Variants in VRK1 observed in about 807,000 individuals in gnomAD.
VRK1 encodes the protein serine/threonine-protein kinase VRK1.
In VRK1, 33 loss-of-function variants were observed where a neutral mutation model predicts 57.1. That is an observed-to-expected ratio of 0.58 (90% CI 0.44 to 0.77). The LOEUF (loss-of-function observed/expected upper bound fraction) is 0.77. Among genes scored for constraint, VRK1 ranks in the 30% least tolerant of loss-of-function variants. VRK1 has a pLI of 0.00. For synonymous variants in VRK1, 137 were observed against 147.8 expected (o/e 0.93, Z 0.53); for missense variants, 413 against 477.3 (o/e 0.87, Z 1.25).
intron 1 of VRK1, among the ~76,000 whole-genome samples, chr14:96,812,963 G>A (rs937382364): frequency 2.6e-5 from 4 of 152,172 alleles, no homozygotes; most frequent in Admixed American, 2.0e-4. Flanking sequence ...AAAAGACCTG[G>A]AGAAGTTGGG....
intron 1 of VRK1, among the ~76,000 whole-genome samples, chr14:96,800,840 A>G (rs1426575090): frequency 6.6e-6 from 1 of 152,078 alleles, no homozygotes; most frequent in Non-Finnish European, 1.5e-5. Context: ...GGGAAGATAT[A>G]CTAGATGAAG....
At chr14:96,807,240 A>G (rs981147992) in intron 1 of VRK1, among the ~76,000 whole-genome samples, 17 of 152,216 alleles carry the variant, frequency 1.1e-4, no homozygotes, top group African/African-American at 4.1e-4. Flanking sequence ...TCTTTCTTAC[A>G]TTGAGTGGAA....
At chr14:96,845,061 C>T (rs945712663) in intron 3 of VRK1, among the ~76,000 whole-genome samples, 1 of 152,118 alleles carries the variant, frequency 6.6e-6, no homozygotes, top group Non-Finnish European at 1.5e-5. Flanking sequence ...TACTCACTTC[C>T]CCCAATGCTC....
At chr14:96,808,183 G>T (rs1467374448) in intron 1 of VRK1, among the ~76,000 whole-genome samples, 1 of 152,054 alleles carries the variant, frequency 6.6e-6, no homozygotes, top group Non-Finnish European at 1.5e-5. Context: ...AAAATAATAG[G>T]AGTATCTTGT....
At chr14:96,825,925 T>C (rs1166327804) in intron 1 of VRK1, among the ~76,000 whole-genome samples, 1 of 152,224 alleles carries the variant, frequency 6.6e-6, no homozygotes, top group Non-Finnish European at 1.5e-5. Context: ...TCATTCAGTA[T>C]ATAACGAGCT....
At chr14:96,834,701 C>T (rs1887147037) in intron 2 of VRK1, among the ~76,000 whole-genome samples, 1 of 152,160 alleles carries the variant, frequency 6.6e-6, no homozygotes, top group Non-Finnish European at 1.5e-5. Flanking sequence ...TGGCCAGTGG[C>T]ACCCTTTTTG....
At chr14:96,862,020 A>G (rs1415118341) in intron 11 of VRK1, among the ~76,000 whole-genome samples, 1 of 152,222 alleles carries the variant, frequency 6.6e-6, no homozygotes, top group African/African-American at 2.4e-5. Context: ...TTGGTGATTG[A>G]GAAGTAAAGA....
chr14:96,870,179 G>A (rs1888762060), intron 11 of VRK1, among the ~76,000 whole-genome samples: 1 of 152,088 alleles, frequency 6.6e-6, no homozygotes, highest in East Asian at 1.9e-4. Flanking sequence ...TATAACTTTT[G>A]CAGCATGCCT....
chr14:96,878,528 A>G (rs1889127602), intron 12 of VRK1, among the ~76,000 whole-genome samples: 1 of 152,222 alleles, frequency 6.6e-6, no homozygotes, highest in Non-Finnish European at 1.5e-5. Context: ...GTGCCTAGCA[A>G]AATGGGAGCA....
In VRK1 at chr14:96,852,987, A is replaced by G. The variant is rs940825152; in HGVS notation, c.483+48A>G. ...GTTTTTAAAAAATTGTTTTGAGTAC[A>G]GTAAAGGCTAGTTTATGTTGAAGCT... On this transcript the variant is annotated intron_variant, in intron 6 of 12. Coordinates refer to ENST00000216639, the MANE Select transcript of VRK1 (RefSeq NM_003384.3). 1.9e-6 allele frequency: 3 copies of G among 1,605,394 alleles called. No individual in the cohort carries two copies. In the African/African-American group the frequency reaches 4.0e-5, roughly 22 times the overall value.
rs771646609 is a variant in VRK1, at chr14:96,833,480, T to G, written c.9T>G (p.Arg3=). Residue 3 remains arginine (R), a synonymous_variant, in exon 2 of 13, where the codon CGT becomes CGG. Coordinates refer to ENST00000216639, the MANE Select transcript of VRK1 (RefSeq NM_003384.3). MP[R]VKAAQAGRQS... ...TTTATGTTATAGTGAAAATGCCTCG[T>G]GTAAAAGCAGCTCAAGCTGGAAGAC... The G allele has an allele frequency of 6.2e-7, 1 of 1,613,536 alleles. No individual in the cohort carries two copies. The highest frequency in any genetic ancestry group is 2.2e-5 in the East Asian group (1 of 44,852).
rs368108819 is a variant in VRK1 at position 96,852,956 on chromosome 14, C to G, written c.483+17C>G. On this transcript the variant is annotated intron_variant, in intron 6 of 12. Coordinates refer to ENST00000216639, the MANE Select transcript of VRK1 (RefSeq NM_003384.3). ...TTAAGAATTGTATGTGAGCTATGTT[C>G]TTCTTGTTTTTAAAAAATTGTTTTG... is the stretch of plus-strand genomic sequence containing the variant. 3.1e-6 allele frequency: 5 copies of G among 1,610,608 alleles called. No individual in the cohort carries two copies. In the African/African-American group the frequency reaches 4.0e-5, roughly 13 times the overall value.
chr14:96,826,304 T>C (rs1886799388), intron 1 of VRK1, among the ~76,000 whole-genome samples: 1 of 152,220 alleles, frequency 6.6e-6, no homozygotes, highest in African/African-American at 2.4e-5. Context: ...TATTTGAATA[T>C]GTATAGTTCC....
intron 11 of VRK1, among the ~76,000 whole-genome samples, chr14:96,870,635 A>G (rs138832573): frequency 2.7e-4 from 41 of 152,350 alleles, no homozygotes; most frequent in African/African-American, 9.6e-4. Flanking sequence ...GAATCATGAA[A>G]AGCCATTGCT....
chr14:96,852,981 GAGTAC>G (rs762968957), intron 6 of VRK1, 42 bp downstream of exon 6: 6 of 1,608,676 alleles, frequency 3.7e-6, no homozygotes, highest in Middle Eastern at 1.7e-4. Context: ...AAATTGTTTT[GAGTAC>G]AGTAAAGGCT....
At chr14:96,850,411 C>T (rs1354771423) in intron 5 of VRK1, among the ~76,000 whole-genome samples, 1 of 152,110 alleles carries the variant, frequency 6.6e-6, no homozygotes, top group Non-Finnish European at 1.5e-5. Flanking sequence ...AAAGGTTTTA[C>T]TTTAGAGGAG....
At chr14:96,804,991 G>C (rs1158973835) in intron 1 of VRK1, among the ~76,000 whole-genome samples, 1 of 152,216 alleles carries the variant, frequency 6.6e-6, no homozygotes, top group Non-Finnish European at 1.5e-5. Context: ...GCTCATTGTT[G>C]ATGTGGGTGA....
At position 96,836,801 on chromosome 14, in the gene VRK1, T is replaced by A. The variant is rs529197590; in HGVS notation, c.161-961T>A. Reference sequence around the variant, plus strand: ...GCGTTGACCTCCCAAAGTGCTGGGATTACAAGTGTGAGCCATTGTGCTCAG... The same window carrying A: ...GCGTTGACCTCCCAAAGTGCTGGGAATACAAGTGTGAGCCATTGTGCTCAG... On this transcript the variant is annotated intron_variant, in intron 2 of 12. Coordinates refer to ENST00000216639, the MANE Select transcript of VRK1 (RefSeq NM_003384.3). Among the ~76,000 whole-genome samples, 6 of 152,230 alleles carry A rather than the reference T, an allele frequency of 3.9e-5. No individual in the cohort carries two copies. The South Asian group carries it at 1.2e-3, about 32-fold the overall frequency.
At chr14:96,833,762 GC>G in intron 2 of VRK1, 131 bp downstream of exon 2, 1 of 1,307,724 alleles carries the variant, frequency 7.6e-7, no homozygotes. Context: ...TTCTGATTAA[GC>G]AAAAATGCAT....
Sources: allele counts gnomAD v4.1 joint callset (sites outside exome capture counted in the v4.1 genomes callset), GRCh38; gene constraint gnomAD v4.1.1; transcripts MANE v1.5; gene names NCBI Gene and HGNC (gene_info 2026-07-23, HGNC 2026-07-21).